Variants in KIF26B observed in about 807,000 individuals in gnomAD.
KIF26B encodes the protein kinesin family member 26B, also known as kinesin-like protein KIF26B.
In KIF26B, 63 loss-of-function variants were observed where a neutral mutation model predicts 151.2. The ratio of observed to expected loss-of-function variants is 0.42; its 90% confidence interval spans 0.34 to 0.51. KIF26B has a LOEUF of 0.51. Among genes scored for constraint, KIF26B ranks in the 20% least tolerant of loss-of-function variants. The probability of loss-of-function intolerance (pLI) is 0.07; values close to 1 mark genes in which losing one functional copy is unlikely to be tolerated. For synonymous variants in KIF26B, 1,357 were observed against 1,262.1 expected (o/e 1.08, Z -1.59); for missense variants, 2,813 against 2,913.6 (o/e 0.97, Z 0.79).
chr1:245,552,458 A>T (rs1362787053), intron 5 of KIF26B, among the ~76,000 whole-genome samples: 1 of 152,058 alleles, frequency 6.6e-6, no homozygotes, highest in Non-Finnish European at 1.5e-5. Flanking sequence ...ATATGACCAA[A>T]TATCTGAATA....
chr1:245,267,634 GCACACACACACACACA>G (rs66498609), intron 2 of KIF26B, among the ~76,000 whole-genome samples: 10,125 of 136,304 alleles, frequency 0.074, 402 homozygotes, highest in African/African-American at 0.1. Context: ...GCTAAGTAAT[GCACACACACACACACA>G]CACACACACA....
At position 245,688,490 on chromosome 1, in the gene KIF26B, TGGCCGA is replaced by T; in HGVS notation, c.5510_5515del (p.Ala1837_Glu1838del). 1 of 1,439,714 alleles carries T rather than the reference TGGCCGA, an allele frequency of 6.9e-7. No homozygotes were observed. Among genetic ancestry groups the T allele is most frequent in the East Asian group, 3.0e-5 (1 of 33,442 alleles). 89.2% of individuals were successfully genotyped at this position (1,439,714 alleles called of 1,614,324 possible). A position where few individuals can be genotyped will look rare whatever the true frequency, so the allele number is the denominator to read the frequency against. On this transcript the variant is annotated inframe_deletion, in exon 12 of 15. Transcript: ENST00000407071. Reference sequence around the variant, plus strand: ...GAGGCGGAGGCGCGCGGGGGGGCCCTGGCCGAGGACGAGCCCGCGGCCGCGCACCTG... The same window carrying T: ...GAGGCGGAGGCGCGCGGGGGGGCCCTGGACGAGCCCGCGGCCGCGCACCTG...
intron 4 of KIF26B, among the ~76,000 whole-genome samples, chr1:245,499,277 G>A (rs1398595824): frequency 6.6e-6 from 1 of 152,006 alleles, no homozygotes; most frequent in African/African-American, 2.4e-5. Context: ...GTGTGTTTGT[G>A]GTTTCCTTTC....
rs113740436 is a variant in KIF26B, at chr1:245,427,481, G to A, written c.1166+7736G>A. Among the ~76,000 whole-genome samples the A allele has an allele frequency of 3.9e-3, 591 of 152,218 alleles. 6 individuals carry two copies. Among genetic ancestry groups the A allele is most frequent in the African/African-American group, 0.013 (527 of 41,554 alleles). On this transcript the variant is annotated intron_variant, in intron 4 of 14. Coordinates refer to ENST00000407071, the MANE Select transcript of KIF26B (RefSeq NM_018012.4). ...AAATTAGCCAGGCATGGTGGTGCAC[G>A]CCTGTAATCCCGTCTACTTGGGAGG...
intron 7 of KIF26B, among the ~76,000 whole-genome samples, chr1:245,608,089 C>T (rs746340957): frequency 1.3e-5 from 2 of 152,158 alleles, no homozygotes; most frequent in East Asian, 1.9e-4. Flanking sequence ...CTTGCACCAC[C>T]GCACCCATGA....
Position 245,337,160 on chromosome 1 carries a change from T to TTATTTATTTATC in KIF26B, c.466-29663_466-29662insCTATTTATTTAT, listed in dbSNP as rs903444579. ...TTTATTTATTTATTTATTTATTTAT[T>TTATTTATTTATC]TATTTATTTATTTATCTATTTATTT... On this transcript the variant is annotated intron_variant, in intron 2 of 14. Transcript: ENST00000407071. Among the ~76,000 whole-genome samples the TTATTTATTTATC allele has an allele frequency of 1.5e-3, 226 of 148,322 alleles. 1 individual carries two copies. Among genetic ancestry groups the TTATTTATTTATC allele is most frequent in the Non-Finnish European group, 2.8e-3 (189 of 67,000 alleles).
chr1:245,210,965 C>T (rs1464327600), intron 2 of KIF26B, among the ~76,000 whole-genome samples: 2 of 152,186 alleles, frequency 1.3e-5, no homozygotes, highest in Non-Finnish European at 2.9e-5. Context: ...TCTTGGGACA[C>T]CACAGCGTTA....
At chr1:245,699,494 GA>G (rs774959523) in intron 14 of KIF26B, among the ~76,000 whole-genome samples, 3,190 of 128,394 alleles carry the variant, frequency 0.025, 75 homozygotes, top group African/African-American at 0.068. Context: ...TTTTTGAGTG[GA>G]AAAAAAAAAA....
At chr1:245,570,081 G>A (rs1174080926) in intron 5 of KIF26B, among the ~76,000 whole-genome samples, 2 of 151,104 alleles carry the variant, frequency 1.3e-5, no homozygotes, top group East Asian at 3.9e-4. Context: ...GACTACAGGC[G>A]CCCGCCACCA....
rs146188350 is a variant in KIF26B, at chr1:245,173,604, C to A, written c.465+16921C>A. ...CAGTGAGGTTAGATGCCTGGAGACG[C>A]GGGCCGGGGAGGCTGTGGTCCTGCA... On this transcript the variant is annotated intron_variant, in intron 2 of 14. Coordinates refer to ENST00000407071, the MANE Select transcript of KIF26B (RefSeq NM_018012.4). 4.9e-3 allele frequency among the ~76,000 whole-genome samples: 751 copies of A among 152,214 alleles called. 4 individuals are homozygous for A. Among genetic ancestry groups the A allele is most frequent in the Non-Finnish European group, 8.9e-3 (603 of 68,008 alleles).
At chr1:245,567,510 G>A (rs1482634407) in intron 5 of KIF26B, among the ~76,000 whole-genome samples, 1 of 152,020 alleles carries the variant, frequency 6.6e-6, no homozygotes, top group Non-Finnish European at 1.5e-5. Flanking sequence ...GGAGAGAAAT[G>A]ACAGCTTGAA....
chr1:245,448,130 A>C (rs758456627), intron 4 of KIF26B, among the ~76,000 whole-genome samples: 2 of 152,232 alleles, frequency 1.3e-5, no homozygotes, highest in Non-Finnish European at 2.9e-5. Flanking sequence ...CCAGACACCA[A>C]ATCTGCTGGC....
intron 10 of KIF26B, among the ~76,000 whole-genome samples, chr1:245,665,117 T>C (rs1380386462): frequency 1.3e-5 from 2 of 152,256 alleles, no homozygotes; most frequent in Non-Finnish European, 2.9e-5. Flanking sequence ...AGCATACTTG[T>C]AGAATTTCAC....
intron 2 of KIF26B, among the ~76,000 whole-genome samples, chr1:245,175,920 ATCTATATATTTAGATG>A (rs1558334597): frequency 4.9e-5 from 6 of 123,156 alleles, no homozygotes; most frequent in African/African-American, 1.1e-4. Context: ...CTATATCTAT[ATCTATATATTTAGATG>A]TCTATATATA....
Position 245,685,934 on chromosome 1 carries a change from C to A in KIF26B, c.2951C>A (p.Ser984Tyr), listed in dbSNP as rs778544312. The A allele has an allele frequency of 9.9e-6, 16 of 1,611,638 alleles. No individual in the cohort carries two copies. Among genetic ancestry groups the A allele is most frequent in the Non-Finnish European group, 1.4e-5 (16 of 1,179,110 alleles). Residue 984 changes from serine to tyrosine, a missense_variant, in exon 12 of 15, where the codon TCC (serine) becomes TAC (tyrosine). Coordinates refer to ENST00000407071, the MANE Select transcript of KIF26B (RefSeq NM_018012.4). ...GAGTCTGATAAGGAAGATAATGGGT[C>A]CGAAGGTCAGCTGACCAACAGAGAA... ...LSESDKEDNG[S>Y]EGQLTNREGP...
chr1:245,379,121 A>G (rs1048188604), intron 3 of KIF26B, among the ~76,000 whole-genome samples: 2 of 152,236 alleles, frequency 1.3e-5, no homozygotes, highest in Admixed American at 6.5e-5. Context: ...AGTGAATATC[A>G]AGCACATAAA....
chr1:245,473,506 A>G (rs1220072544), intron 4 of KIF26B, among the ~76,000 whole-genome samples: 1 of 147,190 alleles, frequency 6.8e-6, no homozygotes, highest in Non-Finnish European at 1.6e-5. Context: ...TCTGCACTAT[A>G]TGGACTGCCT....
chr1:245,450,725 T>A (rs1659370283), intron 4 of KIF26B, among the ~76,000 whole-genome samples: 1 of 152,228 alleles, frequency 6.6e-6, no homozygotes, highest in Non-Finnish European at 1.5e-5. Flanking sequence ...AAAGACACTA[T>A]GGCACATCTT....
intron 2 of KIF26B, among the ~76,000 whole-genome samples, chr1:245,348,188 T>G (rs1672495179): frequency 6.6e-6 from 1 of 152,218 alleles, no homozygotes; most frequent in African/African-American, 2.4e-5. Flanking sequence ...GCTGGTTTCC[T>G]CTCATCTGCT....
Sources: gnomAD v4.1 joint callset for allele counts (sites outside exome capture counted in the v4.1 genomes callset) on GRCh38, gnomAD v4.1.1 for gene constraint, MANE v1.5 for transcripts, NCBI Gene and HGNC (gene_info 2026-07-23, HGNC 2026-07-21) for gene names.